The following NCAM2 variants were observed in gnomAD, a reference collection of about 807,000 sequenced individuals.
The protein encoded by NCAM2 is neural cell adhesion molecule 2.
NCAM2 carries 30 observed loss-of-function variants against 98.1 expected under a neutral mutation model. The ratio of observed to expected loss-of-function variants is 0.31; its 90% CI spans 0.23 to 0.41. The LOEUF (loss-of-function observed/expected upper bound fraction) is 0.41, where lower values mean the gene tolerates loss of function less well. Among genes scored for constraint, NCAM2 ranks in the 10% least tolerant of loss-of-function variants. The probability of loss-of-function intolerance (pLI) is 1.00; values close to 1 mark genes in which losing one functional copy is unlikely to be tolerated. For missense variants in NCAM2, 867 were observed against 1,005.8 expected, an observed-to-expected ratio of 0.86 and a Z score of 1.87; for synonymous variants, 368 against 342.4, an observed-to-expected ratio of 1.07 and a Z score of -0.83.
intron 1 of NCAM2, among the ~76,000 whole-genome samples, chr21:21,004,732 G>A (rs570434886): frequency 1.3e-5 from 2 of 152,160 alleles, no homozygotes; most frequent in East Asian, 1.9e-4. Context: ...TAACTGACAG[G>A]CTCTCTTATC....
intron 1 of NCAM2, among the ~76,000 whole-genome samples, chr21:21,134,766 G>A (rs1291368600): frequency 6.7e-6 from 1 of 149,328 alleles, no homozygotes; most frequent in Non-Finnish European, 1.5e-5. Flanking sequence ...ACTGGAATGC[G>A]GTGGTGCAGT....
At chr21:21,288,747 A>G (rs2073189827) in intron 4 of NCAM2, among the ~76,000 whole-genome samples, 1 of 151,888 alleles carries the variant, frequency 6.6e-6, no homozygotes, top group Non-Finnish European at 1.5e-5. Context: ...ACAATTATGT[A>G]TGAGGATTTA....
intron 14 of NCAM2, among the ~76,000 whole-genome samples, chr21:21,471,431 C>A (rs1433252978): frequency 1.3e-5 from 2 of 151,896 alleles, no homozygotes; most frequent in Non-Finnish European, 2.9e-5. Context: ...CTATTAGTTT[C>A]TCAAACCACA....
chr21:21,336,044 A>G (rs557825684), intron 7 of NCAM2, among the ~76,000 whole-genome samples: 27 of 152,310 alleles, frequency 1.8e-4, no homozygotes, highest in Middle Eastern at 6.8e-3. Context: ...AAAAACATTG[A>G]CATGTAACTA....
chr21:21,466,127 C>A (rs985883437), intron 12 of NCAM2, among the ~76,000 whole-genome samples: 1 of 151,918 alleles, frequency 6.6e-6, no homozygotes, highest in African/African-American at 2.4e-5. Context: ...ACTATTTTTG[C>A]TGTATTTTCA....
intron 1 of NCAM2, among the ~76,000 whole-genome samples, chr21:21,080,867 A>G (rs904248698): frequency 1.3e-5 from 2 of 152,082 alleles, no homozygotes; most frequent in African/African-American, 4.8e-5. Flanking sequence ...CAATGGGTAT[A>G]AGGCAGAAAG....
intron 1 of NCAM2, among the ~76,000 whole-genome samples, chr21:21,127,032 C>A (rs992006733): frequency 2.0e-5 from 3 of 151,944 alleles, no homozygotes; most frequent in South Asian, 4.2e-4. Context: ...ATACATTTTA[C>A]CATGTTATTT....
At chr21:21,243,854 G>A (rs2071163881) in intron 1 of NCAM2, among the ~76,000 whole-genome samples, 1 of 152,164 alleles carries the variant, frequency 6.6e-6, no homozygotes, top group Non-Finnish European at 1.5e-5. Context: ...AGGAAAGTAA[G>A]ATAGAGTTGA....
chr21:21,091,097 A>G (rs139688722), intron 1 of NCAM2, among the ~76,000 whole-genome samples: 1 of 152,238 alleles, frequency 6.6e-6, no homozygotes, highest in African/African-American at 2.4e-5. Flanking sequence ...CCCCAATCTG[A>G]GTTCGATGCT....
intron 1 of NCAM2, among the ~76,000 whole-genome samples, chr21:21,115,732 C>A (rs1251781302): frequency 6.6e-6 from 1 of 152,108 alleles, no homozygotes; most frequent in Admixed American, 6.5e-5. Context: ...ATTACACAAA[C>A]CTCCTTCAGA....
intron 12 of NCAM2, among the ~76,000 whole-genome samples, chr21:21,449,748 A>T (rs1452440612): frequency 2.0e-5 from 3 of 152,164 alleles, no homozygotes; most frequent in African/African-American, 7.2e-5. Flanking sequence ...CAATGGCTTA[A>T]GATGCTTATA....
At chr21:21,256,842 C>G (rs773929066) in intron 1 of NCAM2, among the ~76,000 whole-genome samples, 4 of 152,138 alleles carry the variant, frequency 2.6e-5, no homozygotes, top group Non-Finnish European at 4.4e-5. Context: ...CGCTGGAAAT[C>G]CAGTTTCATA....
At chr21:21,276,018 G>A (rs887215152) in intron 1 of NCAM2, among the ~76,000 whole-genome samples, 4 of 151,996 alleles carry the variant, frequency 2.6e-5, no homozygotes, top group Non-Finnish European at 5.9e-5. Flanking sequence ...TTTCCTAAAT[G>A]TTCCTTGAAC....
chr21:21,364,126 T>G (rs73322789), intron 8 of NCAM2, among the ~76,000 whole-genome samples: 3,258 of 152,208 alleles, frequency 0.021, 97 homozygotes, highest in African/African-American at 0.075. Flanking sequence ...ACTCATCTCT[T>G]AGAGATAGGT....
intron 5 of NCAM2, among the ~76,000 whole-genome samples, chr21:21,293,651 G>C (rs1008904826): frequency 6.6e-6 from 1 of 151,740 alleles, no homozygotes; most frequent in Non-Finnish European, 1.5e-5. Context: ...TTTAAATAGG[G>C]AGATGTCTGT....
intron 10 of NCAM2, among the ~76,000 whole-genome samples, chr21:21,411,075 C>CATATATATGTGTATATAT (rs1569033289): frequency 7.5e-3 from 37 of 4,950 alleles, no homozygotes; most frequent in East Asian, 0.024. Flanking sequence ...TATATACACA[C>CATATATATGTGTATATAT]ACATATATAT....
chr21:21,534,751 T>C (rs985874823), intron 17 of NCAM2, 95 bp downstream of exon 17: 7 of 1,131,446 alleles, frequency 6.2e-6, no homozygotes, highest in Admixed American at 3.8e-5. Context: ...ATATTAATTA[T>C]TTGTAAAAGA....
At chr21:21,471,592 T>C (rs1569098183) in intron 14 of NCAM2, among the ~76,000 whole-genome samples, 1 of 152,080 alleles carries the variant, frequency 6.6e-6, no homozygotes, top group Non-Finnish European at 1.5e-5. Flanking sequence ...TCTTGATTTC[T>C]TCTTTGGCCA....
At chr21:21,180,268 T>C (rs918568883) in intron 1 of NCAM2, among the ~76,000 whole-genome samples, 4 of 152,222 alleles carry the variant, frequency 2.6e-5, no homozygotes, top group Non-Finnish European at 4.4e-5. Flanking sequence ...GGATACATAA[T>C]AGTTGTGCCT....
Sources: allele counts gnomAD v4.1 joint callset (sites outside exome capture counted in the v4.1 genomes callset), GRCh38; gene constraint gnomAD v4.1.1; transcripts MANE v1.5; gene names NCBI Gene and HGNC (gene_info 2026-07-23, HGNC 2026-07-21).